The following FBXL17 variants were observed in gnomAD, a reference collection of about 807,000 sequenced individuals.
FBXL17 encodes F-box and leucine rich repeat protein 17.
A neutral mutation model predicts 66.2 loss-of-function variants in FBXL17; 22 were observed. The observed-to-expected ratio is 0.33, with a 90% CI of 0.24 to 0.47. The LOEUF (loss-of-function observed/expected upper bound fraction) is 0.47. FBXL17 is among the 20% of genes least tolerant of loss of function. The pLI, the probability that FBXL17 is intolerant of heterozygous loss-of-function variation, is 1.00. For missense variants in FBXL17, 878 were observed against 948.2 expected (o/e 0.93, Z 0.97); for synonymous variants, 474 against 400.5 (o/e 1.18, Z -2.19).
At chr5:108,174,290 G>A (rs1030722581) in intron 6 of FBXL17, among the ~76,000 whole-genome samples, 4 of 152,054 alleles carry the variant, frequency 2.6e-5, no homozygotes, top group African/African-American at 7.2e-5. Context: ...ATGGATGAGA[G>A]ATATATTGTA....
chr5:108,186,896 G>T (rs1296114704), intron 5 of FBXL17, among the ~76,000 whole-genome samples: 1 of 151,956 alleles, frequency 6.6e-6, no homozygotes, highest in Non-Finnish European at 1.5e-5. Context: ...AATTTGAGAA[G>T]ATTATTCTAA....
intron 6 of FBXL17, among the ~76,000 whole-genome samples, chr5:108,185,538 G>T (rs1292246786): frequency 6.6e-6 from 1 of 152,156 alleles, no homozygotes. Context: ...AAATTACCCA[G>T]TCTAAGGTAG....
At chr5:108,132,538 G>T (rs1028303948) in intron 6 of FBXL17, among the ~76,000 whole-genome samples, 1 of 152,154 alleles carries the variant, frequency 6.6e-6, no homozygotes, top group East Asian at 1.9e-4. Context: ...ATAATATGTT[G>T]TATGTATAAC....
At chr5:108,306,865 G>T (rs1276840254) in intron 4 of FBXL17, among the ~76,000 whole-genome samples, 3 of 151,582 alleles carry the variant, frequency 2.0e-5, no homozygotes, top group African/African-American at 7.3e-5. Flanking sequence ...AAAGTCCAGG[G>T]TTATCTCTAA....
chr5:108,253,765 G>A (rs551786646), intron 4 of FBXL17, among the ~76,000 whole-genome samples: 44 of 152,240 alleles, frequency 2.9e-4, no homozygotes, highest in African/African-American at 1.0e-3. Flanking sequence ...GGCCAAGGTG[G>A]ATGGATGGCT....
chr5:108,001,498 T>C (rs1007614695), intron 7 of FBXL17, among the ~76,000 whole-genome samples: 2 of 152,194 alleles, frequency 1.3e-5, no homozygotes, highest in African/African-American at 4.8e-5. Flanking sequence ...TAGTTTTTTT[T>C]TGTATTTTTT....
At chr5:107,990,361 A>T (rs1310815086) in intron 7 of FBXL17, among the ~76,000 whole-genome samples, 1 of 152,264 alleles carries the variant, frequency 6.6e-6, no homozygotes, top group Middle Eastern at 3.4e-3. Context: ...TTAAAATTAG[A>T]GTTCTGCATT....
chr5:108,120,055 T>G (rs1158206177), intron 6 of FBXL17, among the ~76,000 whole-genome samples: 1 of 152,170 alleles, frequency 6.6e-6, no homozygotes, highest in Non-Finnish European at 1.5e-5. Flanking sequence ...CCTACCTTCA[T>G]TCCCACTCCA....
At chr5:108,353,041 T>C (rs74293773) in intron 3 of FBXL17, among the ~76,000 whole-genome samples, 6,359 of 152,170 alleles carry the variant, frequency 0.042, 770 homozygotes, top group East Asian at 0.39. Flanking sequence ...TAATAAAGCA[T>C]AAAACTGAAC....
chr5:107,891,901 G>A (rs1055419684), intron 7 of FBXL17, among the ~76,000 whole-genome samples: 3 of 151,832 alleles, frequency 2.0e-5, no homozygotes, highest in Admixed American at 1.3e-4. Context: ...TTCAACTTAC[G>A]ATGGGGTTAT....
chr5:108,073,489 AT>A (rs1748419770), intron 6 of FBXL17, among the ~76,000 whole-genome samples: 2 of 152,162 alleles, frequency 1.3e-5, no homozygotes, highest in Admixed American at 1.3e-4. Context: ...ACCATAAAAA[AT>A]ATTACACATG....
intron 7 of FBXL17, among the ~76,000 whole-genome samples, chr5:107,988,215 T>C (rs1753097687): frequency 6.6e-6 from 1 of 152,070 alleles, no homozygotes; most frequent in South Asian, 2.1e-4. Context: ...TCCTGAGTTC[T>C]GTGATTAGTC....
At chr5:107,923,415 T>C (rs6889392) in intron 7 of FBXL17, among the ~76,000 whole-genome samples, 1,540 of 152,086 alleles carry the variant, frequency 0.01, 26 homozygotes, top group African/African-American at 0.035. Flanking sequence ...CCTAAGAAAA[T>C]AGGGTTTCTT....
intron 7 of FBXL17, among the ~76,000 whole-genome samples, chr5:107,978,296 A>G (rs1320831746): frequency 1.3e-5 from 2 of 152,144 alleles, no homozygotes; most frequent in Non-Finnish European, 2.9e-5. Context: ...TTAACTTTGA[A>G]GCAGGGATGA....
intron 3 of FBXL17, among the ~76,000 whole-genome samples, chr5:108,361,958 C>G (rs1340298622): frequency 6.6e-6 from 1 of 152,132 alleles, no homozygotes; most frequent in Non-Finnish European, 1.5e-5. Context: ...GAGGCACAGG[C>G]AAGTAAAAAA....
At chr5:108,347,797 G>GT (rs1246751338) in intron 4 of FBXL17, among the ~76,000 whole-genome samples, 2 of 152,096 alleles carry the variant, frequency 1.3e-5, no homozygotes, top group Non-Finnish European at 2.9e-5. Context: ...AAACCGATGA[G>GT]TTGTACACTT....
chr5:108,382,040 G>T lies in FBXL17; in HGVS notation c.-349C>A. The stretch of plus-strand genomic sequence containing the variant: ...CAGCGGAGCGGCCGGGGAAAGGCCG[G>T]GTCCCGCTCGGACCATTTTAACTGC... On this transcript the variant is annotated 5_prime_UTR_variant, in exon 1 of 9. Transcript: ENST00000542267. 1.0e-6 allele frequency: 1 copy of T among 962,372 alleles called. No homozygotes were observed. Among genetic ancestry groups the T allele is most frequent in the Non-Finnish European group, 1.3e-6 (1 of 780,280 alleles). 59.6% of individuals were successfully genotyped at this position (962,372 alleles called of 1,614,324 possible).
intron 7 of FBXL17, among the ~76,000 whole-genome samples, chr5:107,898,523 C>T (rs1270165855): frequency 6.6e-6 from 1 of 151,994 alleles, no homozygotes; most frequent in Non-Finnish European, 1.5e-5. Flanking sequence ...TTATATTTTA[C>T]AGGTTTGTTA....
chr5:107,880,574 C>T (rs10059473), intron 8 of FBXL17: 1 of 1,022,202 alleles, frequency 9.8e-7, no homozygotes, highest in East Asian at 8.8e-5. Context: ...CTTTGTTGGT[C>T]CCGAATGGCC....
Sources: gnomAD v4.1 joint callset for allele counts (sites outside exome capture counted in the v4.1 genomes callset) on GRCh38, gnomAD v4.1.1 for gene constraint, MANE v1.5 for transcripts, NCBI Gene and HGNC (gene_info 2026-07-23, HGNC 2026-07-21) for gene names.